The following NUP62CL variants were observed in gnomAD, a reference collection of about 807,000 sequenced individuals.
The protein encoded by NUP62CL is nucleoporin 62 C-terminal like, also known as nucleoporin-62 C-terminal-like protein.
A neutral mutation model predicts 15.3 loss-of-function variants in NUP62CL; 13 were observed. The observed-to-expected ratio is 0.85, with a 90% confidence interval of 0.55 to 1.35. NUP62CL has a LOEUF of 1.35. Ranked by LOEUF, NUP62CL falls within the 40% of genes most tolerant of loss-of-function variation. The pLI is 0.00. For missense variants in NUP62CL, 123 were observed against 130.6 expected (o/e 0.94, Z 0.28); for synonymous variants, 54 against 49.2 (o/e 1.10, Z -0.41).
At chrX:107,134,896 A>T (rs2147792247) in intron 8 of NUP62CL, among the ~76,000 whole-genome samples, 1 of 110,835 alleles carries the variant, frequency 9.0e-6, no homozygotes, top group South Asian at 3.9e-4. Flanking sequence ...TTATTTTTTG[A>T]TAGTCTGTCA....
At chrX:107,167,207 T>C (rs1479533533) in intron 4 of NUP62CL, among the ~76,000 whole-genome samples, 1 of 112,073 alleles carries the variant, frequency 8.9e-6, no homozygotes, top group East Asian at 2.8e-4. Context: ...CTTGACTGTC[T>C]GAATTTTAAT....
At chrX:107,136,477 A>G (rs930208087) in intron 8 of NUP62CL, among the ~76,000 whole-genome samples, 3 of 112,057 alleles carry the variant, frequency 2.7e-5, no homozygotes, top group African/African-American at 9.7e-5. Flanking sequence ...TTTACTGGAA[A>G]ATTCTACCAA....
At chrX:107,126,954 A>T (rs1234875731) in intron 8 of NUP62CL, among the ~76,000 whole-genome samples, 1 of 110,684 alleles carries the variant, frequency 9.0e-6, no homozygotes, top group African/African-American at 3.3e-5. Flanking sequence ...GAATCGCTTG[A>T]ACCCAGGAGG....
At chrX:107,145,443 A>G (rs1300739067) in intron 8 of NUP62CL, among the ~76,000 whole-genome samples, 1 of 111,393 alleles carries the variant, frequency 9.0e-6, no homozygotes, top group Non-Finnish European at 1.9e-5. Flanking sequence ...AGTCTATAGG[A>G]AAGTTGAGAG....
At chrX:107,162,734 T>A (rs1454982105) in intron 4 of NUP62CL, among the ~76,000 whole-genome samples, 1 of 112,104 alleles carries the variant, frequency 8.9e-6, no homozygotes, top group Non-Finnish European at 1.9e-5. Context: ...AACAGAAGAC[T>A]TGGAACATCA....
intron 1 of NUP62CL, among the ~76,000 whole-genome samples, chrX:107,198,811 C>T (rs1273399223): frequency 1.8e-5 from 2 of 111,956 alleles, no homozygotes; most frequent in African/African-American, 3.3e-5. Flanking sequence ...TAATACTCAC[C>T]GCGAGGGTCC....
intron 8 of NUP62CL, among the ~76,000 whole-genome samples, chrX:107,128,159 T>C (rs184400995): frequency 4.3e-4 from 49 of 112,681 alleles, no homozygotes; most frequent in African/African-American, 1.5e-3. Context: ...TAATCATGGA[T>C]GTACACCTTA....
chrX:107,198,719 T>C (rs372892698), intron 1 of NUP62CL, among the ~76,000 whole-genome samples: 2 of 110,996 alleles, frequency 1.8e-5, no homozygotes, highest in African/African-American at 3.3e-5. Context: ...ACTGCAAAGG[T>C]CTGCAGCTTC....
chrX:107,177,763 T>C (rs1926819397), intron 2 of NUP62CL, among the ~76,000 whole-genome samples: 1 of 111,676 alleles, frequency 9.0e-6, no homozygotes, highest in Admixed American at 9.5e-5. Context: ...TGTAAAATTC[T>C]GTACCTCTTT....
At chrX:107,186,116 CAGTT>C (rs754181885) in intron 2 of NUP62CL, among the ~76,000 whole-genome samples, 3 of 111,365 alleles carry the variant, frequency 2.7e-5, no homozygotes, top group Non-Finnish European at 5.7e-5. Context: ...CACTATTACA[CAGTT>C]AGAGAGTTCA....
At chrX:107,143,452 C>T (rs949531643) in intron 8 of NUP62CL, among the ~76,000 whole-genome samples, 2 of 110,363 alleles carry the variant, frequency 1.8e-5, no homozygotes, top group Non-Finnish European at 3.8e-5. Context: ...TGGGCTCAAG[C>T]GATCCATCCA....
intron 1 of NUP62CL, among the ~76,000 whole-genome samples, chrX:107,199,296 T>C (rs914245731): frequency 8.9e-6 from 1 of 112,001 alleles, no homozygotes; most frequent in Non-Finnish European, 1.9e-5. Flanking sequence ...AACCGGACAC[T>C]ATTCTTCTAT....
intron 1 of NUP62CL, chrX:107,202,827 C>T (rs1324575944): frequency 2.9e-5 from 3 of 105,134 alleles, no homozygotes; most frequent in Non-Finnish European, 5.8e-5. Context: ...GAAGCCCAGT[C>T]CCTACCAAAA....
At chrX:107,135,626 T>C (rs1429086639) in intron 8 of NUP62CL, among the ~76,000 whole-genome samples, 1 of 111,397 alleles carries the variant, frequency 9.0e-6, no homozygotes, top group Non-Finnish European at 1.9e-5. Context: ...AAGGTAATAA[T>C]GGAATGTCAG....
chrX:107,200,845 A>G (rs1180018604), intron 1 of NUP62CL, among the ~76,000 whole-genome samples: 2 of 110,245 alleles, frequency 1.8e-5, no homozygotes, highest in Non-Finnish European at 3.8e-5. Context: ...AGTCAAATGC[A>G]AAAGACAGCC....
chrX:107,202,416 T>C (rs1259946329), intron 1 of NUP62CL, among the ~76,000 whole-genome samples: 5 of 111,370 alleles, frequency 4.5e-5, no homozygotes, highest in Non-Finnish European at 9.4e-5. Context: ...GTTTAAATTA[T>C]AAATTAATAC....
intron 2 of NUP62CL, among the ~76,000 whole-genome samples, chrX:107,182,213 G>A (rs946448190): frequency 8.9e-6 from 1 of 112,026 alleles, no homozygotes; most frequent in East Asian, 2.8e-4. Flanking sequence ...AGAGTTGTTC[G>A]ACATTACCAA....
chrX:107,194,384 T>C (rs1425973174), intron 1 of NUP62CL, among the ~76,000 whole-genome samples: 1 of 111,722 alleles, frequency 9.0e-6, no homozygotes, highest in African/African-American at 3.2e-5. Context: ...AACAACTAGA[T>C]TGACAGCAGG....
chrX:107,204,122 C>A (rs1927553085), intron 1 of NUP62CL, among the ~76,000 whole-genome samples: 1 of 111,190 alleles, frequency 9.0e-6, no homozygotes, highest in East Asian at 2.8e-4. Flanking sequence ...TACTTTAAAA[C>A]CGAACTAGGA....
Sources: gnomAD v4.1 joint callset for allele counts (sites outside exome capture counted in the v4.1 genomes callset) on GRCh38, gnomAD v4.1.1 for gene constraint, MANE v1.5 for transcripts, NCBI Gene and HGNC (gene_info 2026-07-23, HGNC 2026-07-21) for gene names.